Variants in SORCS2 observed in about 807,000 individuals in gnomAD.
The protein encoded by SORCS2 is sortilin related VPS10 domain containing receptor 2.
SORCS2 carries 100 observed loss-of-function variants against 141.6 expected under a neutral mutation model. The observed-to-expected ratio is 0.71, with a 90% confidence interval of 0.60 to 0.83. SORCS2 has a LOEUF of 0.83. Among genes scored for constraint, SORCS2 ranks in the 40% least tolerant of loss-of-function variants. The pLI is 0.00. For synonymous variants in SORCS2, 789 were observed against 676.9 expected (o/e 1.17, Z -2.57); for missense variants, 1,646 against 1,560.2 (o/e 1.05, Z -0.93).
chr4:7,478,129 G>A (rs957406766), intron 2 of SORCS2, among the ~76,000 whole-genome samples: 14 of 152,176 alleles, frequency 9.2e-5, no homozygotes, highest in Admixed American at 3.3e-4. Flanking sequence ...CTGGGGTCCC[G>A]CAGCAGACCA....
At chr4:7,604,793 T>C (rs1717955729) in intron 3 of SORCS2, among the ~76,000 whole-genome samples, 1 of 152,226 alleles carries the variant, frequency 6.6e-6, no homozygotes, top group Admixed American at 6.5e-5. Context: ...TATTTCTTTA[T>C]AGCAGTGTGA....
At chr4:7,251,155 A>G (rs1250629986) in intron 1 of SORCS2, among the ~76,000 whole-genome samples, 2 of 152,166 alleles carry the variant, frequency 1.3e-5, no homozygotes, top group African/African-American at 4.8e-5. Flanking sequence ...AGAAAAGAGG[A>G]CTATATATGA....
chr4:7,376,973 C>T (rs544172199), intron 1 of SORCS2, among the ~76,000 whole-genome samples: 73 of 152,104 alleles, frequency 4.8e-4, no homozygotes, highest in Middle Eastern at 3.4e-3. Flanking sequence ...GCCTGAAGAC[C>T]GGCTCTGCAC....
intron 10 of SORCS2, among the ~76,000 whole-genome samples, chr4:7,688,064 C>G (rs1723986823): frequency 6.6e-6 from 1 of 152,206 alleles, no homozygotes; most frequent in Admixed American, 6.5e-5. Flanking sequence ...GCATCTTATC[C>G]AAGTCAATAT....
chr4:7,686,620 G>A (rs1197983508), intron 10 of SORCS2, among the ~76,000 whole-genome samples: 1 of 152,224 alleles, frequency 6.6e-6, no homozygotes, highest in Non-Finnish European at 1.5e-5. Context: ...AGGAAGCCCT[G>A]TCTCTGACCA....
chr4:7,380,947 T>A (rs1206414032), intron 1 of SORCS2, among the ~76,000 whole-genome samples: 5 of 152,136 alleles, frequency 3.3e-5, no homozygotes, highest in Non-Finnish European at 4.4e-5. Context: ...CTGGGTGTGG[T>A]GGCAGGTGCC....
At chr4:7,465,478 G>A (rs1391375072) in intron 2 of SORCS2, among the ~76,000 whole-genome samples, 2 of 152,180 alleles carry the variant, frequency 1.3e-5, no homozygotes, top group Non-Finnish European at 2.9e-5. Context: ...AGGCGCCAGG[G>A]TGGGCACAGG....
rs535191070 is a variant in SORCS2, at chr4:7,350,085, C to A, written c.481-46203C>A. On this transcript the variant is annotated intron_variant, in intron 1 of 26. Coordinates refer to ENST00000507866, the MANE Select transcript of SORCS2 (RefSeq NM_020777.3). ...GTGTCCAATGCTAGCCAAAGTCTGG[C>A]GAAAAGGGTATTTTCATGCATTTTT... Among the ~76,000 whole-genome samples, 4 of 152,220 alleles carry A rather than the reference C, an allele frequency of 2.6e-5. No individual in the cohort carries two copies. The East Asian group carries it at 7.7e-4, about 29-fold the overall frequency.
chr4:7,429,288 T>C (rs916178652), intron 2 of SORCS2, among the ~76,000 whole-genome samples: 3 of 152,144 alleles, frequency 2.0e-5, no homozygotes, highest in Non-Finnish European at 4.4e-5. Context: ...CCCGGAGATG[T>C]GGCTGGGGGC....
intron 3 of SORCS2, among the ~76,000 whole-genome samples, chr4:7,634,682 G>T (rs182609543): frequency 6.6e-6 from 1 of 152,294 alleles, no homozygotes; most frequent in African/African-American, 2.4e-5. Flanking sequence ...CCTCAAGCGC[G>T]GGCTGTGCGT....
intron 1 of SORCS2, among the ~76,000 whole-genome samples, chr4:7,333,570 C>A (rs1719796561): frequency 6.6e-6 from 1 of 152,044 alleles, no homozygotes; most frequent in South Asian, 2.1e-4. Flanking sequence ...CAGAGAGGGG[C>A]CACTGGGTGC....
intron 3 of SORCS2, among the ~76,000 whole-genome samples, chr4:7,552,488 C>T (rs973897705): frequency 6.6e-6 from 1 of 152,162 alleles, no homozygotes; most frequent in African/African-American, 2.4e-5. Flanking sequence ...CCAAGCTTCC[C>T]CAGGTTCCCT....
intron 1 of SORCS2, among the ~76,000 whole-genome samples, chr4:7,329,132 T>G (rs1719481365): frequency 1.3e-5 from 2 of 152,140 alleles, no homozygotes; most frequent in South Asian, 4.2e-4. Context: ...ATTCTCCAAG[T>G]CCGGTGACTC....
At position 7,639,911 on chromosome 4, in the gene SORCS2, G is replaced by T. The variant is rs1720547960; in HGVS notation, c.813+1419G>T. Among the ~76,000 whole-genome samples the T allele has an allele frequency of 4.9e-5, 5 of 102,294 alleles. No individual in the cohort carries two copies. The South Asian group carries it at 1.6e-3, about 34-fold the overall frequency. 67.1% of individuals were successfully genotyped at this position (102,294 alleles called of 152,430 possible). A position where few individuals can be genotyped will look rare whatever the true frequency, so the allele number is the denominator to read the frequency against. On this transcript the variant is annotated intron_variant, in intron 4 of 26. Transcript: ENST00000507866. ...TGTGCACGTGAAAGTGTGTTTGTGG[G>T]TGTGTGTGTGTTTGTGAGAATATGT...
Position 7,728,478 on chromosome 4 carries a change from C to G in SORCS2, c.2982+16C>G. 1 of 1,582,962 alleles carries G rather than the reference C, an allele frequency of 6.3e-7. No individual in the cohort carries two copies. The highest frequency in any genetic ancestry group is 8.6e-7 in the Non-Finnish European group (1 of 1,159,326). ...GCTCTCCAAGGTGTCCACCCAGAGC[C>G]TAGAGCCTCCCCAGCCCCACGGTGC... On this transcript the variant is annotated intron_variant, in intron 22 of 26. Transcript: ENST00000507866.
intron 2 of SORCS2, among the ~76,000 whole-genome samples, chr4:7,425,319 A>T (rs1222541874): frequency 6.6e-6 from 1 of 152,120 alleles, no homozygotes; most frequent in Non-Finnish European, 1.5e-5. Flanking sequence ...CCACAGCCGC[A>T]GCCTGGGCAA....
Position 7,372,308 on chromosome 4 carries a change from TTTTG to T in SORCS2, c.481-23967_481-23964del, listed in dbSNP as rs558846212. Reference sequence around the variant, plus strand: ...TTACATGTAGTAAAATTCACTTTTTTTTTGTTTGTTTGTTTGAGACAGAGTTTCA... The same window carrying T: ...TTACATGTAGTAAAATTCACTTTTTTTTTGTTTGTTTGAGACAGAGTTTCA... On this transcript the variant is annotated intron_variant, in intron 1 of 26. Coordinates refer to ENST00000507866, the MANE Select transcript of SORCS2 (RefSeq NM_020777.3). Among the ~76,000 whole-genome samples, 29 of 152,280 alleles carry T rather than the reference TTTTG, an allele frequency of 1.9e-4. No homozygotes were observed. The East Asian group carries it at 4.0e-3, about 21-fold the overall frequency.
At chr4:7,549,356 G>A (rs568614714) in intron 3 of SORCS2, among the ~76,000 whole-genome samples, 13 of 151,986 alleles carry the variant, frequency 8.6e-5, no homozygotes, top group African/African-American at 2.9e-4. Context: ...CCTGCTTTCC[G>A]GGGGAGATGT....
intron 3 of SORCS2, among the ~76,000 whole-genome samples, chr4:7,613,790 T>A (rs1048797556): frequency 2.0e-5 from 3 of 152,000 alleles, no homozygotes; most frequent in Admixed American, 2.0e-4. Context: ...CCATCTACCA[T>A]GTGTCTACCA....
Sources: gnomAD v4.1 joint callset for allele counts (sites outside exome capture counted in the v4.1 genomes callset) on GRCh38, gnomAD v4.1.1 for gene constraint, MANE v1.5 for transcripts, NCBI Gene and HGNC (gene_info 2026-07-23, HGNC 2026-07-21) for gene names.